DDC: variants seen among roughly 807,000 people sequenced by gnomAD.
DDC encodes the protein dopa decarboxylase.
DDC carries 43 observed loss-of-function variants against 60.0 expected under a neutral mutation model. That is an observed-to-expected ratio of 0.72 (90% CI 0.56 to 0.92). The LOEUF (loss-of-function observed/expected upper bound fraction) is 0.92, where lower values mean the gene tolerates loss of function less well. Among genes scored for constraint, DDC ranks in the 40% least tolerant of loss-of-function variants. The probability of loss-of-function intolerance (pLI) is 0.00; values close to 1 mark genes in which losing one functional copy is unlikely to be tolerated. For missense variants in DDC, 573 were observed against 620.2 expected (o/e 0.92, Z 0.81); for synonymous variants, 232 against 234.6 (o/e 0.99, Z 0.10).
intron 4 of DDC, among the ~76,000 whole-genome samples, chr7:50,529,552 G>A (rs1412488857): frequency 6.6e-6 from 1 of 152,146 alleles, no homozygotes; most frequent in African/African-American, 2.4e-5. Flanking sequence ...TGCCATTGGT[G>A]GGTCTATTTT....
intron 6 of DDC, among the ~76,000 whole-genome samples, chr7:50,518,874 CAG>C (rs2043811929): frequency 6.6e-6 from 1 of 152,216 alleles, no homozygotes; most frequent in Non-Finnish European, 1.5e-5. Flanking sequence ...GCAATAAAAA[CAG>C]AGATAAATGG....
chr7:50,528,695 A>G (rs1205932461), intron 5 of DDC, among the ~76,000 whole-genome samples: 1 of 152,144 alleles, frequency 6.6e-6, no homozygotes, highest in South Asian at 2.1e-4. Flanking sequence ...CTCAGTAAAC[A>G]GTACCTGGAG....
intron 6 of DDC, among the ~76,000 whole-genome samples, chr7:50,513,662 C>A (rs182625126): frequency 5.3e-5 from 8 of 152,038 alleles, no homozygotes; most frequent in Non-Finnish European, 1.0e-4. Context: ...ACAGGCCCTT[C>A]GGTTTGTGTG....
Position 50,544,124 on chromosome 7 carries a change from A to G in DDC, c.-28-11T>C. 6.2e-7 allele frequency: 1 copy of G among 1,603,962 alleles called. No individual in the cohort carries two copies. On this transcript the variant is annotated splice_polypyrimidine_tract_variant and intron_variant, in intron 1 of 14. Transcript: ENST00000444124. ...TGTCAGAGGTGAAAACTGCAGAAAGAAAATGATTCAGTGAGCAAATTTTGC... is the reference window on the plus strand; with the variant it reads ...TGTCAGAGGTGAAAACTGCAGAAAGGAAATGATTCAGTGAGCAAATTTTGC...
At chr7:50,559,584 C>T (rs1222052727) in intron 1 of DDC, among the ~76,000 whole-genome samples, 6 of 152,156 alleles carry the variant, frequency 3.9e-5, no homozygotes, top group East Asian at 1.9e-4. Flanking sequence ...CGCACAACCA[C>T]GCCTGTCTAA....
At chr7:50,519,284 C>T (rs2153543589) in intron 6 of DDC, among the ~76,000 whole-genome samples, 1 of 152,346 alleles carries the variant, frequency 6.6e-6, no homozygotes, top group Non-Finnish European at 1.5e-5. Flanking sequence ...CACTTCTACA[C>T]TGCTGGTAGG....
intron 1 of DDC, among the ~76,000 whole-genome samples, chr7:50,556,915 C>T (rs1172168962): frequency 6.6e-6 from 1 of 152,194 alleles, no homozygotes; most frequent in African/African-American, 2.4e-5. Flanking sequence ...GAGCCCATAG[C>T]TCTGCGGCAA....
chr7:50,459,260 T>C (rs2042195568), intron 14 of DDC, among the ~76,000 whole-genome samples: 1 of 152,306 alleles, frequency 6.6e-6, no homozygotes, highest in East Asian at 1.9e-4. Flanking sequence ...CACTCAGTGC[T>C]CAATGGTGCC....
At chr7:50,464,735 C>T (rs2042357456) in intron 13 of DDC, among the ~76,000 whole-genome samples, 1 of 152,080 alleles carries the variant, frequency 6.6e-6, no homozygotes, top group Admixed American at 6.5e-5. Context: ...CAAGTTCTGG[C>T]CATAATGAGG....
chr7:50,468,691 C>G (rs11575507), intron 12 of DDC, among the ~76,000 whole-genome samples: 7,995 of 152,178 alleles, frequency 0.053, 486 homozygotes, highest in African/African-American at 0.15. Context: ...CCCCTGCACA[C>G]CTGGTTGTGA....
At chr7:50,491,676 C>A (rs758606152) in intron 9 of DDC, among the ~76,000 whole-genome samples, 1 of 152,218 alleles carries the variant, frequency 6.6e-6, no homozygotes, top group Non-Finnish European at 1.5e-5. Context: ...AATATCTCTA[C>A]AGGTAGCTAC....
chr7:50,553,453 CT>C (rs2045076051), intron 1 of DDC, among the ~76,000 whole-genome samples: 1 of 145,372 alleles, frequency 6.9e-6, no homozygotes, highest in Non-Finnish European at 1.5e-5. Context: ...GGATTAGCTG[CT>C]TTCTTTTTTT....
At chr7:50,499,745 T>C (rs2043206864) in intron 7 of DDC, among the ~76,000 whole-genome samples, 1 of 152,124 alleles carries the variant, frequency 6.6e-6, no homozygotes, top group Non-Finnish European at 1.5e-5. Context: ...TCTTAGACCA[T>C]CCCCTGCTTT....
chr7:50,540,079 A>C, intron 2 of DDC, 51 bp from the exon 3 acceptor site: 8 of 1,459,088 alleles, frequency 5.5e-6, no homozygotes, highest in South Asian at 1.2e-5. Context: ...GCCAGGCCTC[A>C]AGAGAGCGGG....
chr7:50,494,099 A>T (rs2043068042), intron 9 of DDC, among the ~76,000 whole-genome samples: 1 of 152,222 alleles, frequency 6.6e-6, no homozygotes, highest in Admixed American at 6.5e-5. Flanking sequence ...TCCCTGTATC[A>T]CTGCCCATCA....
At chr7:50,503,267 C>A (rs182985908) in intron 7 of DDC, among the ~76,000 whole-genome samples, 1 of 152,368 alleles carries the variant, frequency 6.6e-6, no homozygotes, top group East Asian at 1.9e-4. Flanking sequence ...GGGGGAGCCC[C>A]CTGAGCCAGT....
At chr7:50,478,236 C>T (rs1239454162) in intron 10 of DDC, among the ~76,000 whole-genome samples, 3 of 151,724 alleles carry the variant, frequency 2.0e-5, no homozygotes, top group Admixed American at 2.0e-4. Context: ...TGTCAAAGAA[C>T]CAGATGATTG....
intron 9 of DDC, among the ~76,000 whole-genome samples, chr7:50,482,659 C>T (rs889420570): frequency 2.0e-5 from 3 of 152,068 alleles, no homozygotes; most frequent in African/African-American, 7.2e-5. Context: ...GGTCTAATAT[C>T]GAGTCTTCTT....
intron 4 of DDC, among the ~76,000 whole-genome samples, chr7:50,537,040 T>G (rs1454116915): frequency 1.0e-4 from 2 of 19,610 alleles, no homozygotes; most frequent in African/African-American, 2.0e-4. Context: ...GGAAGTTGTT[T>G]TTTTTTTTTT....
Sources: allele counts gnomAD v4.1 joint callset (sites outside exome capture counted in the v4.1 genomes callset), GRCh38; gene constraint gnomAD v4.1.1; transcripts MANE v1.5; gene names NCBI Gene and HGNC (gene_info 2026-07-23, HGNC 2026-07-21).